GARIN1A: variants seen among roughly 807,000 people sequenced by gnomAD.
GARIN1A encodes golgi associated RAB2 interactor 1A.
At chr7:128,697,056 T>C in the GARIN1A span, among the ~76,000 whole-genome samples, 1 of 152,204 alleles carries the variant, frequency 6.6e-6, no homozygotes, top group African/African-American at 2.4e-5. Context: ...CCAAAAGTTG[T>C]TCACAGTTTG....
At chr7:128,684,222 T>G in the GARIN1A span, 8 of 151,980 alleles carry the variant, frequency 5.3e-5, no homozygotes, top group Non-Finnish European at 1.0e-4. Flanking sequence ...CAGGGGGAAA[T>G]AGAGGTTGAG....
chr7:128,692,731 G>A, the GARIN1A span, among the ~76,000 whole-genome samples: 10 of 152,152 alleles, frequency 6.6e-5, no homozygotes. Flanking sequence ...ATAAGCAGCG[G>A]GTTAATTAGG....
At chr7:128,696,318 T>A in the GARIN1A span, among the ~76,000 whole-genome samples, 1 of 152,164 alleles carries the variant, frequency 6.6e-6, no homozygotes, top group African/African-American at 2.4e-5. Flanking sequence ...TGTGCCTGGC[T>A]GCTTCTGTGG....
At chr7:128,702,828 CAGAA>C in the GARIN1A span, among the ~76,000 whole-genome samples, 2 of 152,054 alleles carry the variant, frequency 1.3e-5, no homozygotes, top group South Asian at 2.1e-4. Context: ...AATGTAAAGA[CAGAA>C]AGGTTAAAAG....
At chr7:128,689,333 C>T in the GARIN1A span, among the ~76,000 whole-genome samples, 1 of 151,368 alleles carries the variant, frequency 6.6e-6, no homozygotes, top group African/African-American at 2.4e-5. Flanking sequence ...TCTTACCGGC[C>T]GCCATCCCAT....
chr7:128,675,841 C>A, the GARIN1A span: 1 of 1,612,594 alleles, frequency 6.2e-7, no homozygotes, highest in Non-Finnish European at 8.5e-7. Context: ...GGTGACGCCC[C>A]AGTCATCAAC....
chr7:128,678,015 C>CTTT, the GARIN1A span: 1,269 of 172,796 alleles, frequency 7.3e-3, 18 homozygotes, highest in Non-Finnish European at 8.7e-3. Context: ...AGAAATGTTT[C>CTTT]TTTTTTTTTT....
chr7:128,699,975 T>G, the GARIN1A span, among the ~76,000 whole-genome samples: 4 of 152,326 alleles, frequency 2.6e-5, no homozygotes, highest in African/African-American at 9.6e-5. Flanking sequence ...TTAGCAACAG[T>G]TTTTGGTTTA....
chr7:128,683,222 CT>C, the GARIN1A span: 31,986 of 1,291,676 alleles, frequency 0.025, 507 homozygotes, highest in South Asian at 0.048. Flanking sequence ...TATAATGCTC[CT>C]TTTCCACTGT....
At chr7:128,675,838 C>A in the GARIN1A span, 1 of 1,612,908 alleles carries the variant, frequency 6.2e-7, no homozygotes, top group African/African-American at 1.3e-5. Context: ...CCTGGTGACG[C>A]CCCAGTCATC....
the GARIN1A span, chr7:128,686,296 A>C: frequency 6.6e-6 from 1 of 152,208 alleles, no homozygotes; most frequent in South Asian, 2.1e-4. Context: ...ACATCTTTAG[A>C]AATTTGCTAT....
chr7:128,708,545 C>T, the GARIN1A span, among the ~76,000 whole-genome samples: 1 of 79,874 alleles, frequency 1.3e-5, no homozygotes, highest in African/African-American at 4.4e-5. Flanking sequence ...TTTTCTTCTA[C>T]TCTTGAAGGG....
chr7:128,677,430 C>G, the GARIN1A span: 1 of 987,452 alleles, frequency 1.0e-6, no homozygotes, highest in Non-Finnish European at 1.4e-6. Flanking sequence ...TGGCGTGAAC[C>G]CCGGGGGCAG....
the GARIN1A span, chr7:128,672,522 C>G: frequency 4.3e-6 from 7 of 1,610,126 alleles, no homozygotes; most frequent in Non-Finnish European, 5.9e-6. Flanking sequence ...TTCTCCAACT[C>G]GGTGGTGTTT....
the GARIN1A span, among the ~76,000 whole-genome samples, chr7:128,675,149 T>G: frequency 6.6e-6 from 1 of 152,108 alleles, no homozygotes; most frequent in African/African-American, 2.4e-5. Flanking sequence ...GATGGCCGCC[T>G]TCTGCTTCAA....
the GARIN1A span, chr7:128,672,546 T>C: frequency 6.2e-7 from 1 of 1,601,396 alleles, no homozygotes; most frequent in Admixed American, 1.7e-5. Flanking sequence ...AGCAACTTTA[T>C]CCAGGTACCC....
chr7:128,684,948 C>T, the GARIN1A span: 1 of 150,876 alleles, frequency 6.6e-6, no homozygotes, highest in South Asian at 2.1e-4. Flanking sequence ...GTTGCCTAGG[C>T]TGGAGTGCAG....
chr7:128,677,925 A>G, the GARIN1A span: 1 of 941,964 alleles, frequency 1.1e-6, no homozygotes, highest in Admixed American at 3.1e-5. Flanking sequence ...AGCTCTTTGT[A>G]AATATCATTT....
At chr7:128,707,226 G>A in the GARIN1A span, among the ~76,000 whole-genome samples, 3 of 147,982 alleles carry the variant, frequency 2.0e-5, no homozygotes, top group Non-Finnish European at 4.5e-5. Context: ...ATGTATGTGT[G>A]TGTGTGTGTG....
Sources: allele counts gnomAD v4.1 joint callset (sites outside exome capture counted in the v4.1 genomes callset), GRCh38; gene constraint gnomAD v4.1.1; transcripts MANE v1.5; gene names NCBI Gene and HGNC (gene_info 2026-07-23, HGNC 2026-07-21).